SLC35B4: variants seen among roughly 807,000 people sequenced by gnomAD.
SLC35B4 encodes nucleotide sugar transporter SLC35B4.
A neutral mutation model predicts 39.5 loss-of-function variants in SLC35B4; 28 were observed. The observed-to-expected ratio is 0.71, with a 90% CI of 0.53 to 0.97. The LOEUF is 0.97. Among genes scored for constraint, SLC35B4 ranks in the 50% least tolerant of loss-of-function variants. The pLI, the probability that SLC35B4 is intolerant of heterozygous loss-of-function variation, is 0.00. For missense variants in SLC35B4, 334 were observed against 414.3 expected (o/e 0.81, Z 1.68); for synonymous variants, 145 against 150.4 (o/e 0.96, Z 0.26).
chr7:134,318,490 T>C (rs945452378), upstream of SLC35B4, among the ~76,000 whole-genome samples: 54 of 140,524 alleles, frequency 3.8e-4, no homozygotes, highest in African/African-American at 1.4e-3. Flanking sequence ...TATATATATA[T>C]ATAACTGGTA....
chr7:134,305,788 A>C (rs1274394041), intron 3 of SLC35B4, among the ~76,000 whole-genome samples: 2 of 152,134 alleles, frequency 1.3e-5, no homozygotes, highest in Non-Finnish European at 2.9e-5. Context: ...CTCCTGCCTC[A>C]GCCTCCCGAG....
At position 134,303,393 on chromosome 7, in the gene SLC35B4, T is replaced by C. The variant is rs1803635408; in HGVS notation, c.345-1283A>G. Among the ~76,000 whole-genome samples the C allele has an allele frequency of 3.3e-5, 5 of 152,260 alleles. No homozygotes were observed. The South Asian group carries it at 1.0e-3, about 32-fold the overall frequency. On this transcript the variant is annotated intron_variant, in intron 4 of 9. Transcript: ENST00000378509. ...CAAAGGTTGGGAAAGAGCACAGGCCTGTCCCAAGGCGAATTCCACACTATA... is the reference window on the plus strand; with the variant it reads ...CAAAGGTTGGGAAAGAGCACAGGCCCGTCCCAAGGCGAATTCCACACTATA...
rs1464020737 is a variant in SLC35B4 at position 134,289,831 on chromosome 7, TAGAA to T, written c.*4998_*5001del. On this transcript the variant is annotated 3_prime_UTR_variant, in exon 10 of 10. Coordinates refer to ENST00000378509, the MANE Select transcript of SLC35B4 (RefSeq NM_032826.5). Reference sequence around the variant, plus strand: ...AAAGAAATTATTACAACTTCTTTCTTAGAAAGTATCAGTATTTCTGCTTTTCTTT... The same window carrying T: ...AAAGAAATTATTACAACTTCTTTCTTAGTATCAGTATTTCTGCTTTTCTTT... 6.6e-6 allele frequency: 1 copy of T among 152,244 alleles called. No individual in the cohort carries two copies. Among genetic ancestry groups the T allele is most frequent in the African/African-American group, 2.4e-5 (1 of 41,470 alleles). 9.4% of individuals were successfully genotyped at this position (152,244 alleles called of 1,614,324 possible).
chr7:134,299,712 A>G lies in SLC35B4; in HGVS notation c.598-114T>C, dbSNP rs565374548. 2.2e-4 allele frequency: 193 copies of G among 860,228 alleles called. No individual in the cohort carries two copies. The Middle Eastern group carries it at 4.2e-3, about 19-fold the overall frequency. 53.3% of individuals were successfully genotyped at this position (860,228 alleles called of 1,614,324 possible). A position where few individuals can be genotyped will look rare whatever the true frequency, so the allele number is the denominator to read the frequency against. ...GTTGTTTGACAGCAATACAAAGAAA[A>G]GCAAGTTAGACTTAAGTTAAATGTA... On this transcript the variant is annotated intron_variant, in intron 7 of 9. Coordinates refer to ENST00000378509, the MANE Select transcript of SLC35B4 (RefSeq NM_032826.5).
At chr7:134,304,982 T>A in intron 3 of SLC35B4, 128 bp from the exon 4 acceptor site, 3 of 709,802 alleles carry the variant, frequency 4.2e-6, no homozygotes, top group Middle Eastern at 2.4e-4. Flanking sequence ...GAATAATTAG[T>A]AAAGATTTAG....
intron 1 of SLC35B4, among the ~76,000 whole-genome samples, chr7:134,310,394 T>G (rs2064742302): frequency 6.6e-6 from 1 of 152,198 alleles, no homozygotes; most frequent in Non-Finnish European, 1.5e-5. Context: ...ACTAGTCATT[T>G]AAAATGTTCA....
At chr7:134,315,671 A>T (rs1386788648) in intron 1 of SLC35B4, among the ~76,000 whole-genome samples, 1 of 151,892 alleles carries the variant, frequency 6.6e-6, no homozygotes, top group Non-Finnish European at 1.5e-5. Context: ...AAAAAACACC[A>T]AATAACACCC....
rs1454159821 is a variant in SLC35B4, at chr7:134,289,595, A to C, written c.*5238T>G. Reference sequence around the variant, plus strand: ...CCCCGCCGTCCCTCCCCACCACATAATTTGTTAGGAAATCCTACTTCTAAA... The same window carrying C: ...CCCCGCCGTCCCTCCCCACCACATACTTTGTTAGGAAATCCTACTTCTAAA... On this transcript the variant is annotated 3_prime_UTR_variant, in exon 10 of 10. Coordinates refer to ENST00000378509, the MANE Select transcript of SLC35B4 (RefSeq NM_032826.5). 6.6e-6 allele frequency: 1 copy of C among 152,562 alleles called. No individual in the cohort carries two copies. Among genetic ancestry groups the C allele is most frequent in the Non-Finnish European group, 1.5e-5 (1 of 68,010 alleles). 9.5% of individuals were successfully genotyped at this position (152,562 alleles called of 1,614,324 possible).
At position 134,301,807 on chromosome 7, in the gene SLC35B4, G is replaced by A. The variant is rs768009318; in HGVS notation, c.441C>T (p.Ser147=). The A allele has an allele frequency of 2.5e-6, 4 of 1,614,092 alleles. No homozygotes were observed. Among genetic ancestry groups the A allele is most frequent in the East Asian group, 2.2e-5 (1 of 44,880 alleles). ...MSAKQVTSQS[S]LSENDGFQAF... ...CCTGGAATCCATCATTCTCACTCAA[G>A]CTGGACTGGGAAGTCTAGGAAATAA... is the stretch of plus-strand genomic sequence containing the variant. Residue 147 remains serine, a synonymous_variant, in exon 6 of 10, where the codon AGC becomes AGT. Coordinates refer to ENST00000378509, the MANE Select transcript of SLC35B4 (RefSeq NM_032826.5).
At position 134,295,052 on chromosome 7, in the gene SLC35B4, G is replaced by T; in HGVS notation, c.777C>A (p.Ile259=). The change falls in exon 10 of 10, where the codon ATC becomes ATA. Residue 259 remains isoleucine (I), a synonymous_variant. Coordinates refer to ENST00000378509, the MANE Select transcript of SLC35B4 (RefSeq NM_032826.5). ...TQYVCIRGVF[I]LTTECASLTV... ...TGAGGGAGGCGCATTCTGTGGTGAG[G>T]ATAAACACACCCCGGATGCACACGT... The T allele has an allele frequency of 6.2e-7, 1 of 1,614,170 alleles. No individual in the cohort carries two copies.
At chr7:134,314,818 G>A (rs1803932303) in intron 1 of SLC35B4, among the ~76,000 whole-genome samples, 2 of 152,218 alleles carry the variant, frequency 1.3e-5, no homozygotes, top group Admixed American at 1.3e-4. Flanking sequence ...ACAGGTGTGA[G>A]CCACCATGCC....
chr7:134,317,096 A>T, upstream of SLC35B4: 1 of 250,476 alleles, frequency 4.0e-6, no homozygotes, highest in Non-Finnish European at 7.7e-6. Flanking sequence ...GGTGCCCGGC[A>T]TGACTCGCGC....
chr7:134,312,018 T>G (rs1192208655), intron 1 of SLC35B4, among the ~76,000 whole-genome samples: 4 of 152,150 alleles, frequency 2.6e-5, no homozygotes, highest in Non-Finnish European at 5.9e-5. Context: ...GTTTTTATCT[T>G]TAAAATGGAA....
At position 134,293,660 on chromosome 7, in the gene SLC35B4, T is replaced by G. The variant is rs1220023963; in HGVS notation, c.*1173A>C. 6.6e-6 allele frequency: 1 copy of G among 152,232 alleles called. No homozygotes were observed. The highest frequency in any genetic ancestry group is 1.5e-5 in the Non-Finnish European group (1 of 68,088). 9.4% of individuals were successfully genotyped at this position (152,232 alleles called of 1,614,324 possible). A position where few individuals can be genotyped will look rare whatever the true frequency, so the allele number is the denominator to read the frequency against. ...TATCCTCCCACTTGAGACCCACCCT[T>G]CTGCCCTGTGAGTGCCCGGCTGGGC... On this transcript the variant is annotated 3_prime_UTR_variant, in exon 10 of 10. Coordinates refer to ENST00000378509, the MANE Select transcript of SLC35B4 (RefSeq NM_032826.5).
rs1803319115 is a variant in SLC35B4, at chr7:134,290,986, T to C, written c.*3847A>G. The C allele has an allele frequency of 2.0e-5, 3 of 152,246 alleles. No homozygotes were observed. Among genetic ancestry groups the C allele is most frequent in the South Asian group, 4.1e-4 (2 of 4,836 alleles). 9.4% of individuals were successfully genotyped at this position (152,246 alleles called of 1,614,324 possible). ...GGCCCTGAGCTAACTCATTGGTTTA[T>C]TATTCCTGACCTAAGGTGTTTTACT... On this transcript the variant is annotated 3_prime_UTR_variant, in exon 10 of 10. Coordinates refer to ENST00000378509, the MANE Select transcript of SLC35B4 (RefSeq NM_032826.5).
rs187375490 is a variant in SLC35B4 at position 134,305,103 on chromosome 7, C to T, written c.295-249G>A. On this transcript the variant is annotated intron_variant, in intron 3 of 9. Coordinates refer to ENST00000378509, the MANE Select transcript of SLC35B4 (RefSeq NM_032826.5). ...TTGAGAAGCCGAGGTGGGCGGATCA[C>T]CTGAGGTCAGGAGCTTGAGACCAGC... is the stretch of plus-strand genomic sequence containing the variant. Among the ~76,000 whole-genome samples, 66 of 152,302 alleles carry T rather than the reference C, an allele frequency of 4.3e-4. 1 individual carries two copies. In the East Asian group the frequency reaches 8.1e-3, roughly 19 times the overall value.
In SLC35B4 at chr7:134,306,747, G is replaced by A. The variant is rs1222634940; in HGVS notation, c.219C>T (p.Phe73=). 6.2e-7 allele frequency: 1 copy of A among 1,613,806 alleles called. No individual in the cohort carries two copies. Among genetic ancestry groups the A allele is most frequent in the Admixed American group, 1.7e-5 (1 of 59,932 alleles). The part of the protein sequence containing the change: ...IRYYAIMVTM[F]FTVSVVNNYA... ...AGTTGTTCACCACGCTCACGGTGAA[G>A]AACATGGTCACCATTATGGCATAGT... The change falls in exon 3 of 10, where the codon TTC becomes TTT. Residue 73 remains phenylalanine (F), a synonymous_variant. Coordinates refer to ENST00000378509, the MANE Select transcript of SLC35B4 (RefSeq NM_032826.5).
At position 134,304,807 on chromosome 7, in the gene SLC35B4, T is replaced by G; in HGVS notation, c.342A>C (p.Lys114Asn). 1 of 1,609,228 alleles carries G rather than the reference T, an allele frequency of 6.2e-7. No individual in the cohort carries two copies. The highest frequency in any genetic ancestry group is 8.5e-7 in the Non-Finnish European group (1 of 1,175,568). Residue 114 changes from lysine to asparagine, a missense_variant and splice_region_variant, in exon 4 of 10, where the codon AAA becomes AAC. Transcript: ENST00000378509. ...NMILGIIILK[K>N]RYSIFKYTSI... ...AAATACAGAAGTGTATTGTTTACCT[T>G]TTCTTCAAAATGATAATTCCTAGAA... is the stretch of plus-strand genomic sequence containing the variant.
rs181365635 is a variant in SLC35B4, at chr7:134,294,816, C to A, written c.*17G>T. 231 of 1,611,998 alleles carry A rather than the reference C, an allele frequency of 1.4e-4. No homozygotes were observed. Among genetic ancestry groups the A allele is most frequent in the Non-Finnish European group, 7.4e-5 (87 of 1,179,770 alleles). On this transcript the variant is annotated 3_prime_UTR_variant, in exon 10 of 10. Transcript: ENST00000378509. ...CCACCCTCACGACGACACTGGTCTACGTACTCCAGACAGGCCTCAGTTCTT... is the reference window on the plus strand; with the variant it reads ...CCACCCTCACGACGACACTGGTCTAAGTACTCCAGACAGGCCTCAGTTCTT...
Sources: gnomAD v4.1 joint callset for allele counts (sites outside exome capture counted in the v4.1 genomes callset) on GRCh38, gnomAD v4.1.1 for gene constraint, MANE v1.5 for transcripts, NCBI Gene and HGNC (gene_info 2026-07-23, HGNC 2026-07-21) for gene names.